The following PRLR variants were observed in gnomAD, a reference collection of about 807,000 sequenced individuals.
PRLR encodes prolactin receptor.
A neutral mutation model predicts 40.2 loss-of-function variants in PRLR; 13 were observed. The observed-to-expected ratio is 0.32, with a 90% CI of 0.21 to 0.51. The LOEUF (loss-of-function observed/expected upper bound fraction) is 0.51. Ranked by LOEUF, PRLR falls within the 20% of genes least tolerant of loss-of-function variation. The pLI is 0.97. For missense variants in PRLR, 656 were observed against 747.3 expected (o/e 0.88, Z 1.42); for synonymous variants, 269 against 278.7 (o/e 0.97, Z 0.35).
chr5:35,227,760 G>A (rs1776587875), intron 1 of PRLR, among the ~76,000 whole-genome samples: 1 of 152,186 alleles, frequency 6.6e-6, no homozygotes. Context: ...GTGCCAAACT[G>A]TGAAAGATGA....
intron 1 of PRLR, among the ~76,000 whole-genome samples, chr5:35,159,492 C>T (rs1238313238): frequency 6.6e-6 from 1 of 152,068 alleles, no homozygotes; most frequent in Non-Finnish European, 1.5e-5. Context: ...TACAAATAAA[C>T]AGTGTCAGCG....
At chr5:35,222,696 C>T (rs1421665891) in intron 1 of PRLR, among the ~76,000 whole-genome samples, 1 of 152,172 alleles carries the variant, frequency 6.6e-6, no homozygotes, top group African/African-American at 2.4e-5. Flanking sequence ...CTAACACCAA[C>T]AGGAGAGTGG....
chr5:35,201,547 G>A (rs1775882987), intron 1 of PRLR, among the ~76,000 whole-genome samples: 1 of 152,068 alleles, frequency 6.6e-6, no homozygotes, highest in Non-Finnish European at 1.5e-5. Context: ...TCTCCATGAA[G>A]ACTTAAAACA....
At chr5:35,104,612 C>T (rs1772109240) in intron 2 of PRLR, among the ~76,000 whole-genome samples, 1 of 152,182 alleles carries the variant, frequency 6.6e-6, no homozygotes, top group African/African-American at 2.4e-5. Context: ...CCCACGGAGC[C>T]TCGCTCACTG....
At chr5:35,206,901 A>G (rs1776034354) in intron 1 of PRLR, among the ~76,000 whole-genome samples, 1 of 152,130 alleles carries the variant, frequency 6.6e-6, no homozygotes, top group Admixed American at 6.5e-5. Flanking sequence ...ATTCTAAATG[A>G]GGGAAAAATA....
intron 1 of PRLR, among the ~76,000 whole-genome samples, chr5:35,144,348 A>C (rs562337851): frequency 6.6e-6 from 1 of 152,242 alleles, no homozygotes; most frequent in Non-Finnish European, 1.5e-5. Context: ...CTAGAGATGC[A>C]GGTAAACATA....
At chr5:35,151,220 C>G (rs1774332875) in intron 1 of PRLR, among the ~76,000 whole-genome samples, 1 of 152,140 alleles carries the variant, frequency 6.6e-6, no homozygotes, top group African/African-American at 2.4e-5. Flanking sequence ...CTGGTGGTTT[C>G]TAAGAGTAGT....
intron 1 of PRLR, among the ~76,000 whole-genome samples, chr5:35,122,615 T>C (rs537010652): frequency 3.3e-5 from 5 of 152,380 alleles, no homozygotes; most frequent in Admixed American, 3.3e-4. Context: ...TAGTCTTTAG[T>C]CCTGACAAAT....
downstream of PRLR, among the ~76,000 whole-genome samples, chr5:35,052,657 C>T (rs1768535634): frequency 6.6e-6 from 1 of 152,166 alleles, no homozygotes; most frequent in Non-Finnish European, 1.5e-5. Context: ...ACCAGACTTT[C>T]TGTGTAAAAA....
intron 1 of PRLR, among the ~76,000 whole-genome samples, chr5:35,155,778 C>T (rs1000904069): frequency 2.0e-5 from 3 of 152,144 alleles, no homozygotes; most frequent in Non-Finnish European, 4.4e-5. Flanking sequence ...GTTTTAGGCT[C>T]TCACCTTTAG....
At chr5:35,100,035 G>A (rs1171351046) in intron 2 of PRLR, among the ~76,000 whole-genome samples, 1 of 151,866 alleles carries the variant, frequency 6.6e-6, no homozygotes, top group African/African-American at 2.4e-5. Flanking sequence ...AAAATTAGCT[G>A]GGCCTGGTGG....
chr5:35,105,021 T>C (rs957219955), intron 2 of PRLR, among the ~76,000 whole-genome samples: 1 of 152,156 alleles, frequency 6.6e-6, no homozygotes, highest in Non-Finnish European at 1.5e-5. Flanking sequence ...TGAGACGAAG[T>C]TTCCAGAGGA....
intron 5 of PRLR, among the ~76,000 whole-genome samples, chr5:35,080,585 C>T (rs1770442786): frequency 6.6e-6 from 1 of 152,210 alleles, no homozygotes; most frequent in Non-Finnish European, 1.5e-5. Context: ...CACTTTTACA[C>T]TGTTGGTGGG....
intron 2 of PRLR, among the ~76,000 whole-genome samples, chr5:35,094,059 T>A (rs1771381895): frequency 6.6e-6 from 1 of 152,174 alleles, no homozygotes; most frequent in African/African-American, 2.4e-5. Flanking sequence ...GAAGCGACAC[T>A]TATGACTGTA....
Position 35,066,668 on chromosome 5 carries a change from A to G in PRLR, c.856-566T>C, listed in dbSNP as rs574334378. Reference sequence around the variant, plus strand: ...TTCTCTTCTCCCCCTTCATCACCCTATTCCATATTTCCGCCCTTCCTATTA... The same window carrying G: ...TTCTCTTCTCCCCCTTCATCACCCTGTTCCATATTTCCGCCCTTCCTATTA... On this transcript the variant is annotated intron_variant, in intron 9 of 9. Coordinates refer to ENST00000618457, the MANE Select transcript of PRLR (RefSeq NM_000949.7). Among the ~76,000 whole-genome samples the G allele has an allele frequency of 1.7e-4, 24 of 143,628 alleles. No homozygotes were observed. The South Asian group carries it at 5.3e-3, about 32-fold the overall frequency. The allele number at this position is 143,628 out of a possible 152,430, so 94.2% of individuals were successfully genotyped here.
chr5:35,070,799 T>G (rs1051591468), intron 6 of PRLR, among the ~76,000 whole-genome samples: 2 of 134,908 alleles, frequency 1.5e-5, no homozygotes, highest in African/African-American at 5.8e-5. Flanking sequence ...GCCGAGATCG[T>G]GCCATTGCAC....
rs1288829771 is a variant in PRLR at position 35,059,696 on chromosome 5, C to T, written c.*5393G>A. The T allele has an allele frequency of 1.3e-5, 2 of 152,126 alleles. No individual in the cohort carries two copies. The highest frequency in any genetic ancestry group is 2.9e-5 in the Non-Finnish European group (2 of 68,028). 9.4% of individuals were successfully genotyped at this position (152,126 alleles called of 1,614,324 possible). ...AAAACAAAAGTCTGGGGAGAGAACT[C>T]CTGTTTTATTTTCAGATGATATATT... On this transcript the variant is annotated 3_prime_UTR_variant, in exon 10 of 10. Transcript: ENST00000618457.
chr5:35,143,299 T>G (rs759030047), intron 1 of PRLR, among the ~76,000 whole-genome samples: 1 of 152,212 alleles, frequency 6.6e-6, no homozygotes, highest in Non-Finnish European at 1.5e-5. Context: ...AATACTTTAT[T>G]TACAAAAATG....
intron 1 of PRLR, among the ~76,000 whole-genome samples, chr5:35,120,739 T>A (rs780378503): frequency 7.9e-5 from 12 of 152,326 alleles, no homozygotes; most frequent in Admixed American, 2.0e-4. Context: ...CTACATTAGC[T>A]CCCACTTGGA....
Sources: gnomAD v4.1 joint callset for allele counts (sites outside exome capture counted in the v4.1 genomes callset) on GRCh38, gnomAD v4.1.1 for gene constraint, MANE v1.5 for transcripts, NCBI Gene and HGNC (gene_info 2026-07-23, HGNC 2026-07-21) for gene names.